The following ALK variants were observed in gnomAD, a reference collection of about 807,000 sequenced individuals.
The protein encoded by ALK is ALK receptor tyrosine kinase.
Under a neutral mutation model 163.1 loss-of-function variants are expected in ALK, and 74 were observed. That is an observed-to-expected ratio of 0.45 (90% CI 0.38 to 0.55). ALK has a LOEUF of 0.55. Among genes scored for constraint, ALK ranks in the 20% least tolerant of loss-of-function variants. The pLI, the probability that ALK is intolerant of heterozygous loss-of-function variation, is 0.00. For missense variants in ALK, 2,063 were observed against 2,105.3 expected, an observed-to-expected ratio of 0.98 and a Z score of 0.39; for synonymous variants, 960 against 843.2, an observed-to-expected ratio of 1.14 and a Z score of -2.40.
intron 4 of ALK, among the ~76,000 whole-genome samples, chr2:29,388,654 G>A (rs1215958476): frequency 6.6e-6 from 1 of 152,188 alleles, no homozygotes; most frequent in African/African-American, 2.4e-5. Context: ...CTTAGCACAC[G>A]GTAGGAGCTC....
chr2:29,583,988 A>G (rs557931333), intron 3 of ALK, among the ~76,000 whole-genome samples: 11 of 152,222 alleles, frequency 7.2e-5, no homozygotes, highest in African/African-American at 2.7e-4. Context: ...CATAAAACAA[A>G]AACAATTAGC....
At chr2:29,214,311 A>C (rs1208955707) in intron 23 of ALK, among the ~76,000 whole-genome samples, 5 of 152,152 alleles carry the variant, frequency 3.3e-5, no homozygotes, top group Non-Finnish European at 7.4e-5. Flanking sequence ...TGTACATTTG[A>C]AGTCTTCCCA....
intron 3 of ALK, among the ~76,000 whole-genome samples, chr2:29,548,594 G>T (rs1673626341): frequency 6.6e-6 from 1 of 152,022 alleles, no homozygotes; most frequent in African/African-American, 2.4e-5. Flanking sequence ...TCCTTATCTG[G>T]CTAAGTCATC....
At chr2:29,689,516 G>C (rs146138260) in intron 3 of ALK, among the ~76,000 whole-genome samples, 18 of 152,264 alleles carry the variant, frequency 1.2e-4, no homozygotes, top group African/African-American at 4.3e-4. Flanking sequence ...GAGAAATGCT[G>C]GTATGAATCT....
In ALK at chr2:29,235,062, T is replaced by C. The variant is rs188668194; in HGVS notation, c.2356-1366A>G. Reference sequence around the variant, plus strand: ...CTTCTGGGCCCACATATGCTCCTGGTTGGGGCTCAGGTATTAGAGAGTCCC... The same window carrying C: ...CTTCTGGGCCCACATATGCTCCTGGCTGGGGCTCAGGTATTAGAGAGTCCC... On this transcript the variant is annotated intron_variant, in intron 13 of 28. Coordinates refer to ENST00000389048, the MANE Select transcript of ALK (RefSeq NM_004304.5). Among the ~76,000 whole-genome samples the C allele has an allele frequency of 1.6e-3, 246 of 152,354 alleles. 1 individual carries two copies. The highest frequency in any genetic ancestry group is 5.0e-3 in the African/African-American group (207 of 41,584).
intron 3 of ALK, among the ~76,000 whole-genome samples, chr2:29,669,812 A>G (rs1318292466): frequency 2.6e-5 from 4 of 152,084 alleles, no homozygotes; most frequent in Admixed American, 1.3e-4. Context: ...ATAGATAATA[A>G]TAAGTTGTTT....
rs1665941641 is a variant in ALK, at chr2:29,288,967, TAAATA to T, written c.1817+7916_1817+7920del. 8.4e-5 allele frequency among the ~76,000 whole-genome samples: 2 copies of T among 23,940 alleles called. 1 individual carries two copies. The highest frequency in any genetic ancestry group is 1.7e-4 in the African/African-American group (2 of 11,642). The allele number at this position is 23,940 out of a possible 152,430, so 15.7% of individuals were successfully genotyped here. Reference sequence around the variant, plus strand: ...ACTCCTTCTCAAAAAAATAAATAAATAAATAAATAAATAAATAAATAAATAAATAA... The same window carrying T: ...ACTCCTTCTCAAAAAAATAAATAAATAATAAATAAATAAATAAATAAATAA... On this transcript the variant is annotated intron_variant, in intron 9 of 28. Transcript: ENST00000389048.
intron 1 of ALK, among the ~76,000 whole-genome samples, chr2:29,848,545 C>A (rs4074252): frequency 0.45 from 68,486 of 151,992 alleles, 15,654 homozygotes; most frequent in Middle Eastern, 0.5. Flanking sequence ...GTTTTAATAC[C>A]TAGCCTGTAA....
At chr2:29,692,172 T>G (rs572855258) in intron 3 of ALK, among the ~76,000 whole-genome samples, 37 of 152,336 alleles carry the variant, frequency 2.4e-4, no homozygotes, top group African/African-American at 8.7e-4. Context: ...AATGGGATGC[T>G]GTATTTAATT....
intron 6 of ALK, 32 bp from the exon 7 acceptor site, chr2:29,320,914 T>C: frequency 6.2e-7 from 1 of 1,614,094 alleles, no homozygotes. Flanking sequence ...ACCATCATTT[T>C]CAGGACCACT....
Position 29,719,073 on chromosome 2 carries a change from T to C in ALK, c.668-1376A>G, listed in dbSNP as rs116679568. Among the ~76,000 whole-genome samples the C allele has an allele frequency of 7.4e-3, 1,121 of 152,332 alleles. 13 individuals are homozygous for C. The highest frequency in any genetic ancestry group is 0.026 in the African/African-American group (1,087 of 41,570). On this transcript the variant is annotated intron_variant, in intron 1 of 28. Transcript: ENST00000389048. ...TGGGTACCCATGGCAGTCTCTTGTT[T>C]CCAGACCCCTCCACTATTTTACCTG...
chr2:29,423,176 T>C (rs961034785), intron 4 of ALK, among the ~76,000 whole-genome samples: 2 of 152,222 alleles, frequency 1.3e-5, no homozygotes, highest in African/African-American at 4.8e-5. Flanking sequence ...AGTTCTTTCA[T>C]ATCTTCCATA....
chr2:29,250,680 C>T (rs762352681), intron 12 of ALK, among the ~76,000 whole-genome samples: 2 of 152,162 alleles, frequency 1.3e-5, no homozygotes, highest in African/African-American at 2.4e-5. Flanking sequence ...TGCTCTCTTA[C>T]CAACAGTGAA....
intron 3 of ALK, among the ~76,000 whole-genome samples, chr2:29,678,900 T>C (rs1324213736): frequency 6.6e-6 from 1 of 151,754 alleles, no homozygotes; most frequent in Non-Finnish European, 1.5e-5. Context: ...TTAGGTTGAG[T>C]TAGTTGATGT....
In ALK at chr2:29,639,277, C is replaced by A. The variant is rs556539368; in HGVS notation, c.952+55573G>T. On this transcript the variant is annotated intron_variant, in intron 3 of 28. Transcript: ENST00000389048. ...CAGGAGATCAGGAACAAAACCACCT[C>A]CGTAAGCTGTTCCAGAGGGTTCCTC... 3.3e-5 allele frequency among the ~76,000 whole-genome samples: 5 copies of A among 152,248 alleles called. No individual in the cohort carries two copies. The East Asian group carries it at 9.7e-4, about 29-fold the overall frequency.
intron 1 of ALK, among the ~76,000 whole-genome samples, chr2:29,719,576 A>AT (rs1679367571): frequency 6.6e-6 from 1 of 152,202 alleles, no homozygotes; most frequent in South Asian, 2.1e-4. Context: ...AGTGCTTTAA[A>AT]TGTGTGATTT....
intron 4 of ALK, among the ~76,000 whole-genome samples, chr2:29,443,617 G>T (rs1287255729): frequency 6.6e-6 from 1 of 152,162 alleles, no homozygotes; most frequent in Non-Finnish European, 1.5e-5. Context: ...TAGGGTGCAG[G>T]CCTCCTGGGA....
At chr2:29,327,391 A>G (rs1424246845) in intron 6 of ALK, among the ~76,000 whole-genome samples, 3 of 152,228 alleles carry the variant, frequency 2.0e-5, no homozygotes, top group South Asian at 2.1e-4. Flanking sequence ...AATCACCTCC[A>G]TAAAACATAA....
At chr2:29,577,231 AGATCTTTGGCCTGCC>A (rs1438685470) in intron 3 of ALK, among the ~76,000 whole-genome samples, 1 of 152,152 alleles carries the variant, frequency 6.6e-6, no homozygotes, top group African/African-American at 2.4e-5. Context: ...GTTTGGGTTC[AGATCTTTGGCCTGCC>A]CTTCACTCTC....
Sources: gnomAD v4.1 joint callset for allele counts (sites outside exome capture counted in the v4.1 genomes callset) on GRCh38, gnomAD v4.1.1 for gene constraint, MANE v1.5 for transcripts, NCBI Gene and HGNC (gene_info 2026-07-23, HGNC 2026-07-21) for gene names.